Variants in FAM53A observed in about 807,000 individuals in gnomAD.
FAM53A encodes the protein family with sequence similarity 53 member A.
In FAM53A, 28 loss-of-function variants were observed where a neutral mutation model predicts 26.6. The ratio of observed to expected loss-of-function variants is 1.05; its 90% confidence interval spans 0.78 to 1.45. The LOEUF (loss-of-function observed/expected upper bound fraction) is 1.45, where lower values mean the gene tolerates loss of function less well. FAM53A is among the 40% of genes most tolerant of loss of function. The probability of loss-of-function intolerance (pLI) is 0.00; values close to 1 mark genes in which losing one functional copy is unlikely to be tolerated. For synonymous variants in FAM53A, 290 were observed against 253.1 expected (o/e 1.15, Z -1.38); for missense variants, 650 against 575.8 (o/e 1.13, Z -1.32).
At chr4:1,656,149 T>C (rs1001132276) in intron 3 of FAM53A, among the ~76,000 whole-genome samples, 3 of 152,128 alleles carry the variant, frequency 2.0e-5, no homozygotes, top group Non-Finnish European at 2.9e-5. Context: ...TCAGGTCCCT[T>C]AGTAACATGG....
chr4:1,672,285 C>T (rs79164858), intron 1 of FAM53A, among the ~76,000 whole-genome samples: 41,487 of 145,644 alleles, frequency 0.28, 6,438 homozygotes, highest in Middle Eastern at 0.45. Context: ...AGGAACCAGC[C>T]ACCCACAGAC....
chr4:1,618,534 G>C (rs1239206377), intron 1 of FAM53A, among the ~76,000 whole-genome samples: 1 of 152,226 alleles, frequency 6.6e-6, no homozygotes, highest in African/African-American at 2.4e-5. Flanking sequence ...GTGCCCACCT[G>C]GAGGTGTGGG....
the FAM53A span, among the ~76,000 whole-genome samples, chr4:1,611,560 TG>T: frequency 6.6e-6 from 1 of 152,234 alleles, no homozygotes; most frequent in Admixed American, 6.5e-5. Flanking sequence ...AAAGGCCACA[TG>T]TAGCCCCTGC....
the FAM53A span, among the ~76,000 whole-genome samples, chr4:1,577,605 A>C: frequency 1.3e-5 from 2 of 152,342 alleles, no homozygotes; most frequent in South Asian, 4.1e-4. Flanking sequence ...AGCCCTGGGC[A>C]GGTTCCCCGG....
Position 1,655,740 on chromosome 4 carries a change from A to AAAGAGGCAGGGG in FAM53A, c.137-29_137-18dup, listed in dbSNP as rs769592985. Reference sequence around the variant, plus strand: ...GACTCTGGTCTACAAAAAAAGACACAAAGAGGCAGGGGAAGAGACAGGTGA... The same window carrying AAAGAGGCAGGGG: ...GACTCTGGTCTACAAAAAAAGACACAAAGAGGCAGGGGAAGAGGCAGGGGAAGAGACAGGTGA... On this transcript the variant is annotated splice_polypyrimidine_tract_variant and intron_variant, in intron 3 of 4. Coordinates refer to ENST00000308132, the MANE Select transcript of FAM53A (RefSeq NM_001174070.3). 3 of 1,531,570 alleles carry AAAGAGGCAGGGG rather than the reference A, an allele frequency of 2.0e-6. No individual in the cohort carries two copies. In the South Asian group the frequency reaches 3.7e-5, roughly 19 times the overall value. The allele number at this position is 1,531,570 out of a possible 1,614,324, so 94.9% of individuals were successfully genotyped here. A position where few individuals can be genotyped will look rare whatever the true frequency, so the allele number is the denominator to read the frequency against.
Position 1,684,251 on chromosome 4 carries a change from G to C in FAM53A, c.-183C>G, listed in dbSNP as rs1040700582. 3 of 151,140 alleles carry C rather than the reference G, an allele frequency of 2.0e-5. No homozygotes were observed. Among genetic ancestry groups the C allele is most frequent in the Non-Finnish European group, 3.0e-5 (2 of 67,624 alleles). The allele number at this position is 151,140 out of a possible 1,614,324, so 9.4% of individuals were successfully genotyped here. A position where few individuals can be genotyped will look rare whatever the true frequency, so the allele number is the denominator to read the frequency against. On this transcript the variant is annotated 5_prime_UTR_variant, in exon 1 of 5. Coordinates refer to ENST00000308132, the MANE Select transcript of FAM53A (RefSeq NM_001174070.3). ...TCGGTACCTGAGCGCGGCCGCGGGG[G>C]TGCGGAGCGAGAAGACTGCCGGCCG...
the FAM53A span, among the ~76,000 whole-genome samples, chr4:1,594,274 C>T: frequency 3.9e-5 from 6 of 152,210 alleles, no homozygotes; most frequent in African/African-American, 1.4e-4. Context: ...CAGGGCTCAG[C>T]CTGGAAGACT....
exon 2 of FAM53A, chr4:1,617,945 G>A (rs1029078445): frequency 7.0e-6 from 3 of 429,242 alleles, no homozygotes; most frequent in South Asian, 4.9e-5. Context: ...TTCACCAAGA[G>A]AGAAGTCGCT....
chr4:1,655,843 CT>C (rs1359182712), intron 3 of FAM53A, 120 bp from the exon 4 acceptor site: 5 of 1,210,508 alleles, frequency 4.1e-6, no homozygotes, highest in African/African-American at 3.2e-5. Context: ...GCCGCCACCC[CT>C]GGGCGTGCTT....
chr4:1,675,961 C>T (rs544545235), intron 1 of FAM53A, among the ~76,000 whole-genome samples: 51 of 152,380 alleles, frequency 3.3e-4, no homozygotes, highest in African/African-American at 1.0e-3. Flanking sequence ...GGGACAGCGG[C>T]AAAATGCCCT....
At chr4:1,582,235 G>A in the FAM53A span, among the ~76,000 whole-genome samples, 1 of 152,252 alleles carries the variant, frequency 6.6e-6, no homozygotes, top group Non-Finnish European at 1.5e-5. Context: ...CTGCCGTGGG[G>A]GCAGTGTGGC....
At chr4:1,595,725 G>T in the FAM53A span, among the ~76,000 whole-genome samples, 5 of 152,268 alleles carry the variant, frequency 3.3e-5, no homozygotes, top group Non-Finnish European at 2.9e-5. Flanking sequence ...CCGGTCCCCA[G>T]TCCAGCCGGG....
the FAM53A span, among the ~76,000 whole-genome samples, chr4:1,577,673 C>G: frequency 6.6e-6 from 1 of 152,198 alleles, no homozygotes; most frequent in Non-Finnish European, 1.5e-5. Flanking sequence ...AATGTTGGAG[C>G]GAGCTGCATG....
At chr4:1,682,444 G>T (rs1364193256) in intron 1 of FAM53A, among the ~76,000 whole-genome samples, 1 of 151,876 alleles carries the variant, frequency 6.6e-6, no homozygotes, top group Admixed American at 6.6e-5. Context: ...TCTATTTTTA[G>T]TAGAGACGGG....
intron 2 of FAM53A, among the ~76,000 whole-genome samples, chr4:1,661,960 C>G (rs1713868071): frequency 6.6e-6 from 1 of 152,154 alleles, no homozygotes; most frequent in African/African-American, 2.4e-5. Flanking sequence ...AACCCAAATG[C>G]TTGTGCACTG....
chr4:1,590,989 T>TATATATATACACACACAC, the FAM53A span, among the ~76,000 whole-genome samples: 1 of 126,848 alleles, frequency 7.9e-6, no homozygotes, highest in African/African-American at 3.5e-5. Flanking sequence ...TATATATATA[T>TATATATATACACACACAC]ATATATATAT....
intron 2 of FAM53A, among the ~76,000 whole-genome samples, chr4:1,667,581 T>C (rs1366431364): frequency 6.6e-6 from 1 of 152,076 alleles, no homozygotes; most frequent in East Asian, 1.9e-4. Context: ...TCGCCAGCTC[T>C]CGGGAGGAGA....
chr4:1,663,360 C>G (rs1713996169), intron 2 of FAM53A, among the ~76,000 whole-genome samples: 1 of 152,162 alleles, frequency 6.6e-6, no homozygotes, highest in Non-Finnish European at 1.5e-5. Context: ...AAATGAAGAC[C>G]TACTTCCACA....
the FAM53A span, among the ~76,000 whole-genome samples, chr4:1,597,486 G>A: frequency 6.6e-6 from 1 of 152,216 alleles, no homozygotes; most frequent in Non-Finnish European, 1.5e-5. Context: ...CCAGGGCCCT[G>A]GAGAGCCACA....
Sources: gnomAD v4.1 joint callset for allele counts (sites outside exome capture counted in the v4.1 genomes callset) on GRCh38, gnomAD v4.1.1 for gene constraint, MANE v1.5 for transcripts, NCBI Gene and HGNC (gene_info 2026-07-23, HGNC 2026-07-21) for gene names.